SLCO3A1: variants seen among roughly 807,000 people sequenced by gnomAD.
SLCO3A1 encodes the protein solute carrier organic anion transporter family member 3A1.
Under a neutral mutation model 63.1 loss-of-function variants are expected in SLCO3A1, and 27 were observed. That is an observed-to-expected ratio of 0.43 (90% CI 0.32 to 0.59). SLCO3A1 has a LOEUF of 0.59. SLCO3A1 is among the 20% of genes least tolerant of loss of function. The probability of loss-of-function intolerance (pLI) is 0.09; values close to 1 mark genes in which losing one functional copy is unlikely to be tolerated. For missense variants in SLCO3A1, 773 were observed against 945.8 expected (o/e 0.82, Z 2.40); for synonymous variants, 473 against 409.9 (o/e 1.15, Z -1.86).
chr15:92,165,425 A>G lies in SLCO3A1; in HGVS notation c.*2290A>G, dbSNP rs1221574970. On this transcript the variant is annotated 3_prime_UTR_variant, in exon 10 of 10. Coordinates refer to ENST00000318445, the MANE Select transcript of SLCO3A1 (RefSeq NM_013272.4). ...TGCTAATAGGTCACTCTTATAGATT[A>G]TTGCTTGGCCCTTCAAACTCAGTAC... The G allele has an allele frequency of 2.0e-6, 2 of 985,150 alleles. No individual in the cohort carries two copies. Among genetic ancestry groups the G allele is most frequent in the Non-Finnish European group, 2.4e-6 (2 of 829,846 alleles). 61.0% of individuals were successfully genotyped at this position (985,150 alleles called of 1,614,324 possible). A position where few individuals can be genotyped will look rare whatever the true frequency, so the allele number is the denominator to read the frequency against.
intron 2 of SLCO3A1, among the ~76,000 whole-genome samples, chr15:92,080,984 G>GTGTA (rs1555430720): frequency 4.2e-5 from 6 of 142,106 alleles, no homozygotes; most frequent in Admixed American, 2.1e-4. Context: ...GTGTGTGTGT[G>GTGTA]TATGGGGTAC....
In SLCO3A1 at chr15:91,995,254, C is replaced by G. The variant is rs1037624277; in HGVS notation, c.646+78796C>G. On this transcript the variant is annotated intron_variant, in intron 2 of 9. Coordinates refer to ENST00000318445, the MANE Select transcript of SLCO3A1 (RefSeq NM_013272.4). ...AGGCACAGAGACCTGGGTTCAAATCCCACTGCCAGTGCTATCTGACGTGAG... is the reference window on the plus strand; with the variant it reads ...AGGCACAGAGACCTGGGTTCAAATCGCACTGCCAGTGCTATCTGACGTGAG... Among the ~76,000 whole-genome samples, 3 of 152,254 alleles carry G rather than the reference C, an allele frequency of 2.0e-5. No individual in the cohort carries two copies. In the East Asian group the frequency reaches 5.8e-4, roughly 29 times the overall value.
At chr15:91,876,472 G>A (rs1231198358) in intron 1 of SLCO3A1, among the ~76,000 whole-genome samples, 5 of 152,202 alleles carry the variant, frequency 3.3e-5, no homozygotes, top group South Asian at 2.1e-4. Context: ...TCTCAATCCC[G>A]TGGTCAGCCT....
intron 2 of SLCO3A1, among the ~76,000 whole-genome samples, chr15:92,066,477 T>C (rs186913071): frequency 6.6e-6 from 1 of 152,194 alleles, no homozygotes; most frequent in African/African-American, 2.4e-5. Context: ...GAAAACAGCT[T>C]CTGAGAAATG....
At chr15:92,130,407 G>A (rs2047978163) in intron 7 of SLCO3A1, among the ~76,000 whole-genome samples, 1 of 152,196 alleles carries the variant, frequency 6.6e-6, no homozygotes, top group Non-Finnish European at 1.5e-5. Context: ...AGGCAAGGAG[G>A]ATATTCTCAT....
At chr15:91,934,106 G>A (rs1229485965) in intron 2 of SLCO3A1, among the ~76,000 whole-genome samples, 2 of 152,002 alleles carry the variant, frequency 1.3e-5, no homozygotes, top group Non-Finnish European at 2.9e-5. Flanking sequence ...AGAGACAAAG[G>A]GCTTTATTAC....
At position 91,886,567 on chromosome 15, in the gene SLCO3A1, C is replaced by T. The variant is rs149498031; in HGVS notation, c.181-29426C>T. Among the ~76,000 whole-genome samples the T allele has an allele frequency of 7.2e-5, 11 of 152,284 alleles. 1 individual carries two copies. The highest frequency in any genetic ancestry group is 2.6e-4 in the African/African-American group (11 of 41,560). On this transcript the variant is annotated intron_variant, in intron 1 of 9. Transcript: ENST00000318445. This position sits in a 1 kb window ranked among gnomAD's most constrained non-coding sequence, Gnocchi z 4.9. ...AGAGAGATGGAAGATTCAGCCTCAG[C>T]GTCAGTGTTGTTTCTACGGTGTGAC... is the stretch of plus-strand genomic sequence containing the variant.
intron 1 of SLCO3A1, among the ~76,000 whole-genome samples, chr15:91,870,406 TCC>T (rs1897257316): frequency 6.6e-6 from 1 of 152,242 alleles, no homozygotes; most frequent in Non-Finnish European, 1.5e-5. Context: ...TTATTTTTCC[TCC>T]CTTAGAGATA....
intron 2 of SLCO3A1, among the ~76,000 whole-genome samples, chr15:91,926,853 G>T (rs186548344): frequency 6.6e-6 from 1 of 152,228 alleles, no homozygotes; most frequent in Non-Finnish European, 1.5e-5. Flanking sequence ...TACCCTGGGA[G>T]GAAAGCTTTG....
At chr15:92,128,611 A>G (rs1259266328) in intron 7 of SLCO3A1, 122 bp downstream of exon 7, 4 of 818,714 alleles carry the variant, frequency 4.9e-6, no homozygotes, top group Admixed American at 2.9e-5. Flanking sequence ...GCCTTGCTGT[A>G]GTGGAAGATG....
At chr15:92,159,870 G>A (rs376138649) in intron 9 of SLCO3A1, among the ~76,000 whole-genome samples, 10 of 152,018 alleles carry the variant, frequency 6.6e-5, no homozygotes, top group South Asian at 4.1e-4. Flanking sequence ...TATTTTGGGG[G>A]GATATTTTGG....
At chr15:92,064,722 C>A (rs544532681) in intron 2 of SLCO3A1, among the ~76,000 whole-genome samples, 3 of 152,262 alleles carry the variant, frequency 2.0e-5, no homozygotes, top group Admixed American at 2.0e-4. Context: ...CTGTCATTTG[C>A]AGCAACATGG....
chr15:92,055,389 A>G (rs13379781), intron 2 of SLCO3A1, among the ~76,000 whole-genome samples: 23,752 of 152,154 alleles, frequency 0.16, 1,894 homozygotes, highest in African/African-American at 0.19. Flanking sequence ...CATCCCGTTC[A>G]GTGTGTTGTC....
At chr15:91,908,992 C>G (rs1898399325) in intron 1 of SLCO3A1, among the ~76,000 whole-genome samples, 1 of 152,166 alleles carries the variant, frequency 6.6e-6, no homozygotes, top group Non-Finnish European at 1.5e-5. Flanking sequence ...ATCTGGGAGA[C>G]AGAGGTTGCA....
At chr15:91,962,270 G>A (rs1490408345) in intron 2 of SLCO3A1, among the ~76,000 whole-genome samples, 3 of 152,062 alleles carry the variant, frequency 2.0e-5, no homozygotes, top group African/African-American at 7.2e-5. Flanking sequence ...ACCTGAGGTC[G>A]GGAGTTCGAG....
intron 2 of SLCO3A1, among the ~76,000 whole-genome samples, chr15:92,028,848 T>A (rs1284335740): frequency 6.6e-6 from 1 of 151,532 alleles, no homozygotes; most frequent in Non-Finnish European, 1.5e-5. Flanking sequence ...GAGAGTGTTT[T>A]GCTTTTTGCT....
chr15:91,934,260 C>A (rs567181955), intron 2 of SLCO3A1, among the ~76,000 whole-genome samples: 2 of 152,256 alleles, frequency 1.3e-5, no homozygotes, highest in South Asian at 2.1e-4. Context: ...ACTACTTTGA[C>A]GTCAAGCAGT....
At chr15:92,166,825 G>A (rs558692379), downstream of SLCO3A1, among the ~76,000 whole-genome samples, 10 of 152,310 alleles carry the variant, frequency 6.6e-5, no homozygotes, top group East Asian at 1.5e-3. Flanking sequence ...GGGTCCCCGT[G>A]TGCCTGCTGG....
At chr15:92,037,676 A>G (rs1161897924) in intron 2 of SLCO3A1, among the ~76,000 whole-genome samples, 1 of 151,796 alleles carries the variant, frequency 6.6e-6, no homozygotes, top group Non-Finnish European at 1.5e-5. Flanking sequence ...TCTTATTCTC[A>G]CTGTCAAGCC....
Sources: allele counts gnomAD v4.1 joint callset (sites outside exome capture counted in the v4.1 genomes callset), GRCh38; gene constraint gnomAD v4.1.1; non-coding constraint Gnocchi (gnomAD v3.1); transcripts MANE v1.5; gene names NCBI Gene and HGNC (gene_info 2026-07-23, HGNC 2026-07-21).